CSMD1: variants seen among roughly 807,000 people sequenced by gnomAD.
CSMD1 encodes CUB and Sushi multiple domains 1, also known as CUB and sushi domain-containing protein 1.
Under a neutral mutation model 417.5 loss-of-function variants are expected in CSMD1, and 213 were observed. That is an observed-to-expected ratio of 0.51 (90% CI 0.46 to 0.57). The LOEUF is 0.57. CSMD1 is among the 20% of genes least tolerant of loss of function. CSMD1 has a pLI of 0.00. For missense variants in CSMD1, 6,923 were observed against 4,529.7 expected, an observed-to-expected ratio of 1.53 and a Z score of -15.17; for synonymous variants, 2,862 against 1,736.8, an observed-to-expected ratio of 1.65 and a Z score of -16.11.
At chr8:3,893,371 T>G (rs1235910451) in intron 5 of CSMD1, among the ~76,000 whole-genome samples, 1 of 39,980 alleles carries the variant, frequency 2.5e-5, no homozygotes, top group South Asian at 1.3e-3. Context: ...ATTATTTTTT[T>G]TCTTAGAGGG....
intron 5 of CSMD1, among the ~76,000 whole-genome samples, chr8:3,810,520 T>C (rs900369925): frequency 5.3e-5 from 8 of 152,098 alleles, no homozygotes; most frequent in African/African-American, 1.2e-4. Context: ...GAGGTCAGAA[T>C]GGGATGCCTC....
intron 7 of CSMD1, among the ~76,000 whole-genome samples, chr8:3,688,264 C>A (rs1435428733): frequency 6.6e-6 from 1 of 152,132 alleles, no homozygotes; most frequent in Non-Finnish European, 1.5e-5. Flanking sequence ...CAAATATTGT[C>A]TCTTTTCTTT....
chr8:4,028,937 G>A (rs905167248), intron 4 of CSMD1, among the ~76,000 whole-genome samples: 2 of 152,186 alleles, frequency 1.3e-5, no homozygotes, highest in Non-Finnish European at 2.9e-5. Flanking sequence ...CAGTAAAATA[G>A]TATTTTTGGA....
intron 4 of CSMD1, among the ~76,000 whole-genome samples, chr8:4,019,317 G>C (rs1471832072): frequency 6.6e-6 from 1 of 152,178 alleles, no homozygotes; most frequent in African/African-American, 2.4e-5. Flanking sequence ...GAATGTTTCT[G>C]TGTCTCTCTC....
chr8:4,270,879 C>G (rs1804545169), intron 3 of CSMD1, among the ~76,000 whole-genome samples: 2 of 152,184 alleles, frequency 1.3e-5, no homozygotes, highest in African/African-American at 4.8e-5. Flanking sequence ...CTCTGAGGAC[C>G]TCATTCCTTC....
At chr8:3,979,172 A>G (rs995677314) in intron 5 of CSMD1, among the ~76,000 whole-genome samples, 1 of 152,200 alleles carries the variant, frequency 6.6e-6, no homozygotes, top group African/African-American at 2.4e-5. Flanking sequence ...CACCTGTGAG[A>G]TCTTAGCACA....
intron 5 of CSMD1, among the ~76,000 whole-genome samples, chr8:3,867,948 T>A (rs1018490365): frequency 6.6e-6 from 1 of 152,112 alleles, no homozygotes; most frequent in Non-Finnish European, 1.5e-5. Flanking sequence ...AATCTTTGTA[T>A]GTCTTCTCTG....
chr8:4,374,777 C>G (rs556418778), intron 3 of CSMD1, among the ~76,000 whole-genome samples: 1 of 152,064 alleles, frequency 6.6e-6, no homozygotes, highest in Non-Finnish European at 1.5e-5. Context: ...TGAATGGCCA[C>G]CTGCTCTAGG....
At chr8:3,792,130 C>T (rs754263374) in intron 5 of CSMD1, among the ~76,000 whole-genome samples, 98 of 152,004 alleles carry the variant, frequency 6.4e-4, no homozygotes, top group African/African-American at 2.0e-3. Context: ...CCTGTCTCTA[C>T]GAAAAGTTGA....
intron 1 of CSMD1, among the ~76,000 whole-genome samples, chr8:4,745,740 C>G (rs908104446): frequency 2.0e-5 from 3 of 152,190 alleles, no homozygotes. Context: ...TGGAGTAACA[C>G]TCTCCAACAT....
intron 3 of CSMD1, among the ~76,000 whole-genome samples, chr8:4,283,880 C>T (rs1399252055): frequency 2.6e-5 from 4 of 152,176 alleles, no homozygotes; most frequent in Admixed American, 2.0e-4. Context: ...GGTCTTTCTC[C>T]ATGTCTTATA....
intron 3 of CSMD1, among the ~76,000 whole-genome samples, chr8:4,264,032 G>C (rs1585122207): frequency 6.6e-6 from 1 of 152,284 alleles, no homozygotes; most frequent in East Asian, 1.9e-4. Context: ...CTAGCTCCAT[G>C]AACTTGGGCA....
chr8:2,980,874 T>C (rs980910535), intron 54 of CSMD1, among the ~76,000 whole-genome samples: 3 of 152,232 alleles, frequency 2.0e-5, no homozygotes, highest in Non-Finnish European at 2.9e-5. Flanking sequence ...CCTAGTTCAC[T>C]ACCCTTAAAA....
At chr8:3,142,412 C>G in intron 41 of CSMD1, 53 bp downstream of exon 41, 1 of 1,376,270 alleles carries the variant, frequency 7.3e-7, no homozygotes, top group Admixed American at 1.9e-5. Context: ...ATACAATTTA[C>G]ATGTAAGAAG....
At chr8:4,248,230 T>C (rs1262159063) in intron 3 of CSMD1, among the ~76,000 whole-genome samples, 1 of 152,172 alleles carries the variant, frequency 6.6e-6, no homozygotes, top group Non-Finnish European at 1.5e-5. Flanking sequence ...AGCAGACAGT[T>C]GGCAGGACTA....
chr8:3,727,434 T>C (rs1051441635), intron 6 of CSMD1, among the ~76,000 whole-genome samples: 8 of 152,180 alleles, frequency 5.3e-5, no homozygotes, highest in African/African-American at 1.9e-4. Flanking sequence ...TCCTGTCTAA[T>C]ATTCTAACAT....
chr8:3,484,086 C>G (rs1407146544), intron 11 of CSMD1, among the ~76,000 whole-genome samples: 1 of 152,070 alleles, frequency 6.6e-6, no homozygotes, highest in Non-Finnish European at 1.5e-5. Flanking sequence ...GTTTATGGTA[C>G]TCTCAAACTT....
At chr8:4,743,657 T>C (rs1264871312) in intron 1 of CSMD1, among the ~76,000 whole-genome samples, 4 of 152,188 alleles carry the variant, frequency 2.6e-5, no homozygotes, top group Admixed American at 1.3e-4. Flanking sequence ...CTTAATCATT[T>C]GTGAGTTTAG....
intron 1 of CSMD1, among the ~76,000 whole-genome samples, chr8:4,756,953 T>C (rs1292772709): frequency 6.6e-6 from 1 of 152,240 alleles, no homozygotes; most frequent in Admixed American, 6.5e-5. Context: ...AAGAAACCTG[T>C]TCAAACACAT....
Sources: gnomAD v4.1 joint callset for allele counts (sites outside exome capture counted in the v4.1 genomes callset) on GRCh38, gnomAD v4.1.1 for gene constraint, MANE v1.5 for transcripts, NCBI Gene and HGNC (gene_info 2026-07-23, HGNC 2026-07-21) for gene names.